MAP3K3: variants seen among roughly 807,000 people sequenced by gnomAD.
The protein encoded by MAP3K3 is MAP/ERK kinase kinase 3.
Under a neutral mutation model 80.9 loss-of-function variants are expected in MAP3K3, and 12 were observed. The ratio of observed to expected loss-of-function variants is 0.15; its 90% CI spans 0.10 to 0.24. MAP3K3 has a LOEUF of 0.24. MAP3K3 is among the 10% of genes least tolerant of loss of function. The pLI is 1.00. For synonymous variants in MAP3K3, 272 were observed against 307.1 expected (o/e 0.89, Z 1.19); for missense variants, 596 against 834.7 (o/e 0.71, Z 3.52).
chr17:63,693,901 C>T lies in MAP3K3; in HGVS notation c.*124C>T, dbSNP rs188571578. ...GACCATGGAGTGGCAGCCCAGCCAGCGTCGGTCTGTGCCCCTTCCGCCACT... is the reference window on the plus strand; with the variant it reads ...GACCATGGAGTGGCAGCCCAGCCAGTGTCGGTCTGTGCCCCTTCCGCCACT... On this transcript the variant is annotated 3_prime_UTR_variant, in exon 16 of 16. Coordinates refer to ENST00000361733, the MANE Select transcript of MAP3K3 (RefSeq NM_002401.5). This position sits in a 1 kb window ranked among gnomAD's most constrained non-coding sequence, Gnocchi z 4.2. 1,533 of 846,044 alleles carry T rather than the reference C, an allele frequency of 1.8e-3. 16 individuals carry two copies. The African/African-American group carries it at 0.024, about 13-fold the overall frequency. The allele number at this position is 846,044 out of a possible 1,614,324, so 52.4% of individuals were successfully genotyped here.
In MAP3K3 at chr17:63,693,024, A is replaced by T. The variant is rs140048201; in HGVS notation, c.1653-525A>T. Among the ~76,000 whole-genome samples, 81 of 152,234 alleles carry T rather than the reference A, an allele frequency of 5.3e-4. No individual in the cohort carries two copies. The highest frequency in any genetic ancestry group is 1.5e-3 in the East Asian group (8 of 5,164). On this transcript the variant is annotated intron_variant, in intron 15 of 15. Coordinates refer to ENST00000361733, the MANE Select transcript of MAP3K3 (RefSeq NM_002401.5). The surrounding 1 kb of genome is among the most constrained non-coding windows in gnomAD (Gnocchi z 4.2). ...TCAAGAGGTCAGAGTGGCTAATAGG[A>T]GGTGAGACAATGAAAGCAAGAGGTT...
At chr17:63,640,113 T>C (rs56829474) in intron 2 of MAP3K3, among the ~76,000 whole-genome samples, 2,584 of 152,198 alleles carry the variant, frequency 0.017, 71 homozygotes, top group African/African-American at 0.059. Context: ...GCAGTACCAA[T>C]GTTAGAAATA....
Position 63,681,783 on chromosome 17 carries a change from C to A in MAP3K3, c.520C>A (p.Arg174=). ...HLSVSSQNPG[R]SSPPPGYVPE... ...TGCTCTAGGCTCCCAGAACCCTGGC[C>A]GAAGCTCACCTCCCCCTGGCTATGT... The change falls in exon 7 of 16, where the codon CGA becomes AGA. Residue 174 remains arginine, a synonymous_variant. Coordinates refer to ENST00000361733, the MANE Select transcript of MAP3K3 (RefSeq NM_002401.5). 6.6e-7 allele frequency: 1 copy of A among 1,520,458 alleles called. No homozygotes were observed. Among genetic ancestry groups the A allele is most frequent in the East Asian group, 2.5e-5 (1 of 40,778 alleles). 94.2% of individuals were successfully genotyped at this position (1,520,458 alleles called of 1,614,324 possible).
intron 5 of MAP3K3, among the ~76,000 whole-genome samples, chr17:63,662,121 T>C (rs932473897): frequency 3.1e-5 from 4 of 127,982 alleles, no homozygotes; most frequent in African/African-American, 6.0e-5. Context: ...AATAATAACA[T>C]TGGGCTGGGC....
chr17:63,635,896 C>T (rs1049184359), intron 2 of MAP3K3, among the ~76,000 whole-genome samples: 1 of 152,172 alleles, frequency 6.6e-6, no homozygotes, highest in African/African-American at 2.4e-5. Flanking sequence ...AATTGGATTA[C>T]AGATTCAAAT....
At chr17:63,642,112 A>G (rs1194287103) in intron 2 of MAP3K3, among the ~76,000 whole-genome samples, 8 of 152,200 alleles carry the variant, frequency 5.3e-5, no homozygotes. Context: ...AGATTTGGGC[A>G]TATCATGTGG....
intron 6 of MAP3K3, among the ~76,000 whole-genome samples, chr17:63,671,465 AG>A (rs1284427549): frequency 6.6e-6 from 1 of 152,038 alleles, no homozygotes; most frequent in Non-Finnish European, 1.5e-5. Flanking sequence ...CACGTTGGCC[AG>A]GATGGTCTCG....
chr17:63,686,267 T>G (rs964251727), intron 8 of MAP3K3, among the ~76,000 whole-genome samples: 4 of 152,230 alleles, frequency 2.6e-5, no homozygotes, highest in African/African-American at 9.6e-5. Flanking sequence ...TTACTTTGTG[T>G]AACTGATTAA....
intron 2 of MAP3K3, chr17:63,636,737 T>C: frequency 3.3e-6 from 1 of 300,732 alleles, no homozygotes; most frequent in Non-Finnish European, 6.7e-6. Flanking sequence ...GACAATGACA[T>C]TGACCTGTTT....
intron 6 of MAP3K3, chr17:63,668,012 C>A (rs1357541046): frequency 6.6e-6 from 1 of 152,160 alleles, no homozygotes; most frequent in Non-Finnish European, 1.5e-5. Flanking sequence ...GGAGAAAGCC[C>A]CCATTTCTTG....
At chr17:63,677,509 C>G (rs142258364) in intron 6 of MAP3K3, among the ~76,000 whole-genome samples, 30 of 152,306 alleles carry the variant, frequency 2.0e-4, no homozygotes, top group Middle Eastern at 6.8e-3. Context: ...TTTTGTGTTA[C>G]AGTAGCAAGG....
chr17:63,642,923 A>G (rs2034472061), intron 2 of MAP3K3, among the ~76,000 whole-genome samples: 1 of 151,672 alleles, frequency 6.6e-6, no homozygotes, highest in Non-Finnish European at 1.5e-5. Context: ...ACAACCAGCT[A>G]ATTTTTGTAT....
At chr17:63,639,276 G>A (rs140955660) in intron 2 of MAP3K3, among the ~76,000 whole-genome samples, 73 of 152,258 alleles carry the variant, frequency 4.8e-4, no homozygotes, top group East Asian at 4.6e-3. Flanking sequence ...TAGGTAGAAC[G>A]GAGGAAGGGT....
intron 6 of MAP3K3, among the ~76,000 whole-genome samples, chr17:63,673,795 G>C (rs1465119641): frequency 6.6e-6 from 1 of 152,074 alleles, no homozygotes; most frequent in African/African-American, 2.4e-5. Flanking sequence ...CCTGTAATTC[G>C]AGCTACTCGG....
rs1445810763 is a variant in MAP3K3 at position 63,692,237 on chromosome 17, C to T, written c.1475-5C>T. ...GGTTGCAGCCTCTGCCCTTTCATGC[C>T]TCAGGAGCCAACATCCTCCGAGACT... On this transcript the variant is annotated splice_polypyrimidine_tract_variant and splice_region_variant and intron_variant, in intron 14 of 15. Transcript: ENST00000361733. This position sits in a 1 kb window ranked among gnomAD's most constrained non-coding sequence, Gnocchi z 4.5. 2 of 1,613,802 alleles carry T rather than the reference C, an allele frequency of 1.2e-6. No individual in the cohort carries two copies. Among genetic ancestry groups the T allele is most frequent in the Non-Finnish European group, 8.5e-7 (1 of 1,179,980 alleles).
At chr17:63,660,264 A>G (rs2034860399) in intron 5 of MAP3K3, among the ~76,000 whole-genome samples, 1 of 151,820 alleles carries the variant, frequency 6.6e-6, no homozygotes, top group African/African-American at 2.4e-5. Flanking sequence ...GCAGTGGCGC[A>G]GTGACAGCTC....
At chr17:63,653,080 T>C (rs2034692534) in intron 4 of MAP3K3, among the ~76,000 whole-genome samples, 1 of 152,220 alleles carries the variant, frequency 6.6e-6, no homozygotes, top group Non-Finnish European at 1.5e-5. Flanking sequence ...AATGCAGGAT[T>C]CTTCTCTTAG....
intron 3 of MAP3K3, among the ~76,000 whole-genome samples, chr17:63,648,968 T>A (rs2034594695): frequency 6.6e-6 from 1 of 152,160 alleles, no homozygotes; most frequent in Non-Finnish European, 1.5e-5. Flanking sequence ...AGGCTTTGCG[T>A]GAAGGATAGA....
At chr17:63,628,518 G>A (rs1568120557) in intron 1 of MAP3K3, among the ~76,000 whole-genome samples, 1 of 151,804 alleles carries the variant, frequency 6.6e-6, no homozygotes, top group African/African-American at 2.4e-5. Context: ...GTGCCACCAC[G>A]CCCAGCTAAT....
Sources: gnomAD v4.1 joint callset for allele counts (sites outside exome capture counted in the v4.1 genomes callset) on GRCh38, gnomAD v4.1.1 for gene constraint, Gnocchi (gnomAD v3.1) non-coding constraint, MANE v1.5 for transcripts, NCBI Gene and HGNC (gene_info 2026-07-23, HGNC 2026-07-21) for gene names.